MACROD2: variants seen among roughly 807,000 people sequenced by gnomAD.
MACROD2 encodes ADP-ribose glycohydrolase MACROD2.
MACROD2 carries 36 observed loss-of-function variants against 70.4 expected under a neutral mutation model. The ratio of observed to expected loss-of-function variants is 0.51; its 90% CI spans 0.39 to 0.68. The LOEUF is 0.68. Among genes scored for constraint, MACROD2 ranks in the 30% least tolerant of loss-of-function variants. The pLI is 0.00. For missense variants in MACROD2, 496 were observed against 538.4 expected (o/e 0.92, Z 0.78); for synonymous variants, 172 against 178.8 (o/e 0.96, Z 0.30).
intron 8 of MACROD2, among the ~76,000 whole-genome samples, chr20:15,534,922 G>T (rs79987336): frequency 6.6e-6 from 1 of 151,918 alleles, no homozygotes; most frequent in African/African-American, 2.4e-5. Context: ...TTCTAATTAG[G>T]ATTAGAAAAT....
chr20:15,490,131 T>TTTCC (rs111772643), intron 7 of MACROD2, among the ~76,000 whole-genome samples: 7,145 of 141,820 alleles, frequency 0.05, 443 homozygotes, highest in African/African-American at 0.14. Context: ...CCTCTTGGCA[T>TTTCC]TTCCTTCCTT....
At chr20:15,431,636 T>A (rs1372530965) in intron 7 of MACROD2, among the ~76,000 whole-genome samples, 1 of 152,028 alleles carries the variant, frequency 6.6e-6, no homozygotes, top group Admixed American at 6.6e-5. Context: ...ATATCGGGTA[T>A]CACATGAAAT....
intron 12 of MACROD2, among the ~76,000 whole-genome samples, chr20:15,951,352 A>ACAAAG (rs1414285468): frequency 2.2e-5 from 2 of 91,878 alleles, no homozygotes; most frequent in East Asian, 3.4e-4. Flanking sequence ...CACACACACA[A>ACAAAG]AGAGAGAGAG....
chr20:15,689,816 G>A (rs1397779651), intron 8 of MACROD2, among the ~76,000 whole-genome samples: 3 of 152,142 alleles, frequency 2.0e-5, no homozygotes, highest in African/African-American at 4.8e-5. Flanking sequence ...GGTTGGTGAC[G>A]ATTATGAAAA....
intron 5 of MACROD2, among the ~76,000 whole-genome samples, chr20:14,866,660 C>T (rs924621257): frequency 6.6e-5 from 10 of 152,098 alleles, no homozygotes; most frequent in African/African-American, 2.2e-4. Context: ...ATCCCCACTA[C>T]TATTACATAT....
At chr20:14,550,115 G>A (rs1489557936) in intron 4 of MACROD2, among the ~76,000 whole-genome samples, 1 of 151,790 alleles carries the variant, frequency 6.6e-6, no homozygotes, top group Non-Finnish European at 1.5e-5. Context: ...TATAGACGGG[G>A]TTTCACCATG....
At chr20:14,566,872 A>C (rs1979840188) in intron 4 of MACROD2, 1 of 152,046 alleles carries the variant, frequency 6.6e-6, no homozygotes, top group Admixed American at 6.6e-5. Flanking sequence ...TAATAGTATA[A>C]ATTGTTGCAA....
chr20:15,091,682 T>C (rs1482107963), intron 5 of MACROD2, among the ~76,000 whole-genome samples: 2 of 152,128 alleles, frequency 1.3e-5, no homozygotes, highest in East Asian at 3.8e-4. Flanking sequence ...TAGGTGGTCT[T>C]TTTCAAAGAG....
chr20:15,157,129 A>G (rs2076312003), intron 5 of MACROD2, among the ~76,000 whole-genome samples: 1 of 152,136 alleles, frequency 6.6e-6, no homozygotes, highest in Non-Finnish European at 1.5e-5. Flanking sequence ...GGCTTAAACA[A>G]TGGACATTTA....
At chr20:15,953,070 A>G (rs1056912863) in intron 12 of MACROD2, among the ~76,000 whole-genome samples, 7 of 152,198 alleles carry the variant, frequency 4.6e-5, no homozygotes, top group Non-Finnish European at 8.8e-5. Context: ...CAACATGGAT[A>G]GAACTGGAGA....
chr20:14,880,951 G>T (rs1204805052), intron 5 of MACROD2, among the ~76,000 whole-genome samples: 1 of 152,062 alleles, frequency 6.6e-6, no homozygotes, highest in African/African-American at 2.4e-5. Flanking sequence ...CTGCCTGAGT[G>T]GTCCTGGAGG....
chr20:15,173,359 C>T (rs2076437042), intron 5 of MACROD2, among the ~76,000 whole-genome samples: 1 of 152,070 alleles, frequency 6.6e-6, no homozygotes, highest in Non-Finnish European at 1.5e-5. Flanking sequence ...GAGAAGCTGT[C>T]CAAAAAGATT....
intron 5 of MACROD2, among the ~76,000 whole-genome samples, chr20:14,725,985 C>T (rs1037003909): frequency 2.0e-5 from 3 of 152,158 alleles, no homozygotes; most frequent in South Asian, 2.1e-4. Context: ...ATGTCCCTTA[C>T]GTGACTGGCT....
Position 15,226,470 on chromosome 20 carries a change from C to T in MACROD2, c.419-3470C>T, listed in dbSNP as rs1375700403. 4.6e-5 allele frequency among the ~76,000 whole-genome samples: 7 copies of T among 152,214 alleles called. No homozygotes were observed. In the East Asian group the frequency reaches 1.2e-3, roughly 25 times the overall value. On this transcript the variant is annotated intron_variant, in intron 5 of 17. Transcript: ENST00000684519. ...ACCCATGTGCAAGATAAAGCATTGTCCATAGACTTTGCATCCATGTATATT... is the reference window on the plus strand; with the variant it reads ...ACCCATGTGCAAGATAAAGCATTGTTCATAGACTTTGCATCCATGTATATT...
At chr20:14,745,670 G>T (rs2071790836) in intron 5 of MACROD2, among the ~76,000 whole-genome samples, 1 of 152,154 alleles carries the variant, frequency 6.6e-6, no homozygotes, top group Non-Finnish European at 1.5e-5. Context: ...TGTAGGAGTT[G>T]CTGGCTGGTT....
intron 6 of MACROD2, among the ~76,000 whole-genome samples, chr20:15,421,880 C>A (rs146631387): frequency 6.6e-6 from 1 of 152,246 alleles, no homozygotes; most frequent in African/African-American, 2.4e-5. Context: ...ACAAAGCAGG[C>A]TAAGCAATAG....
intron 9 of MACROD2, among the ~76,000 whole-genome samples, chr20:15,868,726 T>C (rs186225015): frequency 6.6e-6 from 1 of 152,108 alleles, no homozygotes; most frequent in African/African-American, 2.4e-5. Context: ...AGTAACTGAT[T>C]CATTCACAAT....
intron 8 of MACROD2, among the ~76,000 whole-genome samples, chr20:15,501,467 A>G (rs2047363894): frequency 6.6e-6 from 1 of 152,190 alleles, no homozygotes; most frequent in Non-Finnish European, 1.5e-5. Flanking sequence ...AACAAATTCT[A>G]CTCATTGATT....
chr20:14,672,505 G>GAGTC (rs1356611180), intron 4 of MACROD2, among the ~76,000 whole-genome samples: 7 of 152,310 alleles, frequency 4.6e-5, no homozygotes, highest in Non-Finnish European at 7.4e-5. Flanking sequence ...AGGAGCTGCA[G>GAGTC]AGTCATATGG....
Sources: gnomAD v4.1 joint callset for allele counts (sites outside exome capture counted in the v4.1 genomes callset) on GRCh38, gnomAD v4.1.1 for gene constraint, MANE v1.5 for transcripts, NCBI Gene and HGNC (gene_info 2026-07-23, HGNC 2026-07-21) for gene names.